The following TENM2 variants were observed in gnomAD, a reference collection of about 807,000 sequenced individuals.
TENM2 encodes the protein teneurin transmembrane protein 2.
Under a neutral mutation model 245.2 loss-of-function variants are expected in TENM2, and 52 were observed. The ratio of observed to expected loss-of-function variants is 0.21; its 90% CI spans 0.17 to 0.27. The LOEUF (loss-of-function observed/expected upper bound fraction) is 0.27, where lower values mean the gene tolerates loss of function less well. Among genes scored for constraint, TENM2 ranks in the 10% least tolerant of loss-of-function variants. The pLI, the probability that TENM2 is intolerant of heterozygous loss-of-function variation, is 1.00. For missense variants in TENM2, 3,046 were observed against 3,666.8 expected, an observed-to-expected ratio of 0.83 and a Z score of 4.37; for synonymous variants, 1,363 against 1,438.9, an observed-to-expected ratio of 0.95 and a Z score of 1.19.
chr5:167,393,173 G>T (rs1482596695), intron 2 of TENM2, among the ~76,000 whole-genome samples: 1 of 151,554 alleles, frequency 6.6e-6, no homozygotes, highest in Non-Finnish European at 1.5e-5. Flanking sequence ...AATAAAAAAT[G>T]AACTTGAAAT....
chr5:167,663,171 AGAGAGAG>A (rs1755339227), intron 2 of TENM2, among the ~76,000 whole-genome samples: 3 of 151,340 alleles, frequency 2.0e-5, no homozygotes, highest in African/African-American at 4.9e-5. Context: ...AGAGAGAGAG[AGAGAGAG>A]AGAGAGAGAA....
chr5:167,999,465 G>A (rs1461591910), intron 5 of TENM2, among the ~76,000 whole-genome samples: 1 of 152,156 alleles, frequency 6.6e-6, no homozygotes, highest in Non-Finnish European at 1.5e-5. Flanking sequence ...TCTTTGGCAG[G>A]GGGACTGCCA....
At chr5:167,150,982 C>T in the TENM2 span, among the ~76,000 whole-genome samples, 2 of 152,180 alleles carry the variant, frequency 1.3e-5, no homozygotes. Context: ...ACTCACTTCA[C>T]AAGAACTCAG....
At chr5:167,728,050 C>T (rs952165820) in intron 2 of TENM2, among the ~76,000 whole-genome samples, 12 of 152,190 alleles carry the variant, frequency 7.9e-5, no homozygotes, top group Non-Finnish European at 1.6e-4. Context: ...GTAACAGTTT[C>T]AAGCCTGGGT....
chr5:168,076,957 T>C (rs879227931), intron 7 of TENM2, among the ~76,000 whole-genome samples: 3 of 152,168 alleles, frequency 2.0e-5, no homozygotes, highest in African/African-American at 7.2e-5. Context: ...AGAAGACTAA[T>C]ACACTGGATT....
the TENM2 span, among the ~76,000 whole-genome samples, chr5:167,124,650 G>A: frequency 6.6e-6 from 1 of 152,064 alleles, no homozygotes; most frequent in Non-Finnish European, 1.5e-5. Flanking sequence ...TGTGCTAGAT[G>A]CTATGAGGGT....
At chr5:167,399,099 A>G (rs1456378363) in intron 2 of TENM2, among the ~76,000 whole-genome samples, 1 of 152,146 alleles carries the variant, frequency 6.6e-6, no homozygotes, top group Non-Finnish European at 1.5e-5. Context: ...TTTTCTGGGA[A>G]CCTGTCACAA....
chr5:167,365,798 A>G (rs530121816), intron 1 of TENM2, among the ~76,000 whole-genome samples: 1 of 152,170 alleles, frequency 6.6e-6, no homozygotes, highest in East Asian at 1.9e-4. Flanking sequence ...CATTGACAAA[A>G]CAGTATTGAG....
chr5:167,891,340 A>C (rs1238572561), intron 3 of TENM2, among the ~76,000 whole-genome samples: 1 of 151,864 alleles, frequency 6.6e-6, no homozygotes, highest in East Asian at 1.9e-4. Flanking sequence ...CAGTGGTGCA[A>C]CCTCCACTCA....
intron 2 of TENM2, among the ~76,000 whole-genome samples, chr5:167,560,801 C>A (rs983727480): frequency 1.3e-5 from 2 of 152,168 alleles, no homozygotes; most frequent in Admixed American, 1.3e-4. Flanking sequence ...AAAAGAACAT[C>A]CCCACCTCAA....
intron 1 of TENM2, among the ~76,000 whole-genome samples, chr5:167,295,526 C>T (rs1002673492): frequency 3.9e-5 from 6 of 152,308 alleles, no homozygotes; most frequent in African/African-American, 1.4e-4. Flanking sequence ...TTGCCAGGAT[C>T]AGCCTTACCA....
At chr5:167,160,745 C>T in the TENM2 span, among the ~76,000 whole-genome samples, 1 of 152,160 alleles carries the variant, frequency 6.6e-6, no homozygotes, top group South Asian at 2.1e-4. Flanking sequence ...TAATGTCTAT[C>T]TCTTCTACCT....
intron 2 of TENM2, among the ~76,000 whole-genome samples, chr5:167,807,718 T>C (rs11749935): frequency 0.49 from 74,341 of 151,666 alleles, 19,435 homozygotes; most frequent in Non-Finnish European, 0.6. Context: ...AGAGGCTCTA[T>C]ATGTGATCAC....
At chr5:167,298,742 C>T (rs1339806481) in intron 1 of TENM2, among the ~76,000 whole-genome samples, 1 of 152,224 alleles carries the variant, frequency 6.6e-6, no homozygotes, top group African/African-American at 2.4e-5. Context: ...CATAGTCCTG[C>T]CAGCAAAGAT....
At chr5:167,934,913 T>C (rs1778579576) in intron 3 of TENM2, 2 of 985,358 alleles carry the variant, frequency 2.0e-6, no homozygotes, top group Non-Finnish European at 2.4e-6. Context: ...TGCCCTTGAG[T>C]CGTCCAGGTA....
At chr5:167,505,800 A>G (rs944583542) in intron 2 of TENM2, among the ~76,000 whole-genome samples, 1 of 152,178 alleles carries the variant, frequency 6.6e-6, no homozygotes, top group African/African-American at 2.4e-5. Context: ...ACATTGTATG[A>G]AGGAAAATGA....
At chr5:167,769,688 A>G (rs777301794) in intron 2 of TENM2, among the ~76,000 whole-genome samples, 2 of 152,030 alleles carry the variant, frequency 1.3e-5, no homozygotes, top group Non-Finnish European at 2.9e-5. Flanking sequence ...TTTTTTCTAT[A>G]CTATGTCTGC....
intron 2 of TENM2, among the ~76,000 whole-genome samples, chr5:167,751,957 C>A (rs1582912878): frequency 7.0e-6 from 1 of 142,844 alleles, no homozygotes; most frequent in African/African-American, 3.0e-5. Flanking sequence ...AAATAATACA[C>A]ACACACACAC....
At chr5:167,327,164 A>G (rs138045771) in intron 1 of TENM2, among the ~76,000 whole-genome samples, 1,619 of 151,948 alleles carry the variant, frequency 0.011, 11 homozygotes, top group South Asian at 0.028. Flanking sequence ...TCCTAATGCT[A>G]TCCCTCCCCG....
Sources: allele counts gnomAD v4.1 joint callset (sites outside exome capture counted in the v4.1 genomes callset), GRCh38; gene constraint gnomAD v4.1.1; transcripts MANE v1.5; gene names NCBI Gene and HGNC (gene_info 2026-07-23, HGNC 2026-07-21).